Variants in SLC27A6 observed in about 807,000 individuals in gnomAD.
SLC27A6 encodes the protein solute carrier family 27 member 6.
A neutral mutation model predicts 63.9 loss-of-function variants in SLC27A6; 74 were observed. That is an observed-to-expected ratio of 1.16 (90% CI 0.96 to 1.40). The LOEUF (loss-of-function observed/expected upper bound fraction) is 1.40. SLC27A6 is among the 40% of genes most tolerant of loss of function. The pLI is 0.00. For missense variants in SLC27A6, 794 were observed against 732.9 expected, an observed-to-expected ratio of 1.08 and a Z score of -0.96; for synonymous variants, 287 against 260.8, an observed-to-expected ratio of 1.10 and a Z score of -0.97.
At chr5:128,972,685 T>G (rs1750221290) in intron 1 of SLC27A6, among the ~76,000 whole-genome samples, 1 of 152,200 alleles carries the variant, frequency 6.6e-6, no homozygotes, top group Non-Finnish European at 1.5e-5. Context: ...TTTTCAAGGT[T>G]TTTAGCTTCT....
chr5:129,027,376 C>T (rs769576556), intron 7 of SLC27A6, 45 bp downstream of exon 7: 1 of 1,440,640 alleles, frequency 6.9e-7, no homozygotes, highest in Non-Finnish European at 9.7e-7. Flanking sequence ...TAATTGTGAA[C>T]CATGCTTCTA....
intron 5 of SLC27A6, 102 bp from the exon 6 acceptor site, chr5:129,023,518 A>G (rs1752139329): frequency 7.7e-6 from 5 of 647,796 alleles, no homozygotes; most frequent in Non-Finnish European, 1.0e-5. Context: ...ATTTATTTCA[A>G]TTAGCATAGT....
chr5:128,993,221 A>C (rs867503975), intron 4 of SLC27A6, among the ~76,000 whole-genome samples: 1 of 152,208 alleles, frequency 6.6e-6, no homozygotes, highest in Admixed American at 6.5e-5. Flanking sequence ...GTGGTTTTCC[A>C]GTTGTGCTTC....
Position 128,979,163 on chromosome 5 carries a change from A to G in SLC27A6, c.482-5970A>G. On this transcript the variant is annotated intron_variant, in intron 1 of 9. Coordinates refer to ENST00000262462, the MANE Select transcript of SLC27A6 (RefSeq NM_001017372.3). ...ATGGCAGAGACAGCCACCCATAGTA[A>G]GAAGTCACTTTTGCTCAGGTCTCTT... Among the ~76,000 whole-genome samples the G allele has an allele frequency of 1.3e-5, 2 of 151,882 alleles. 1 individual carries two copies. The highest frequency in any genetic ancestry group is 2.9e-5 in the Non-Finnish European group (2 of 67,968).
Position 128,972,824 on chromosome 5 carries a change from G to A in SLC27A6, c.481+6206G>A, listed in dbSNP as rs189354457. The stretch of plus-strand genomic sequence containing the variant: ...TTTGTTCCATTGCTGGCAAGTAGCT[G>A]TGATCCTTTGAAGGAGAAGAGGCAC... On this transcript the variant is annotated intron_variant, in intron 1 of 9. Transcript: ENST00000262462. Among the ~76,000 whole-genome samples, 27 of 152,292 alleles carry A rather than the reference G, an allele frequency of 1.8e-4. No individual in the cohort carries two copies. In the East Asian group the frequency reaches 4.2e-3, roughly 24 times the overall value.
In SLC27A6 at chr5:129,029,278, A is replaced by G. The variant is rs1261738208; in HGVS notation, c.1553-299A>G. 1.3e-5 allele frequency among the ~76,000 whole-genome samples: 2 copies of G among 151,980 alleles called. 1 individual carries two copies. Among genetic ancestry groups the G allele is most frequent in the South Asian group, 4.1e-4 (2 of 4,830 alleles). On this transcript the variant is annotated intron_variant, in intron 8 of 9. Transcript: ENST00000262462. Reference sequence around the variant, plus strand: ...TTAAATAAATGTTTTCTTTCTTAATATTTGTTTTAGTGATGGTAGGATGCA... The same window carrying G: ...TTAAATAAATGTTTTCTTTCTTAATGTTTGTTTTAGTGATGGTAGGATGCA...
intron 4 of SLC27A6, among the ~76,000 whole-genome samples, chr5:128,995,627 T>A (rs543812080): frequency 6.6e-6 from 1 of 152,150 alleles, no homozygotes; most frequent in East Asian, 1.9e-4. Flanking sequence ...ACAAGTGGGA[T>A]CCAGGCACAG....
At chr5:128,985,357 A>T in intron 2 of SLC27A6, 21 bp downstream of exon 2, 1 of 1,604,730 alleles carries the variant, frequency 6.2e-7, no homozygotes, top group South Asian at 1.1e-5. Context: ...ATTCTTTTGA[A>T]GGCTAAAATG....
At chr5:128,988,539 A>G (rs1272688717) in intron 2 of SLC27A6, 61 bp from the exon 3 acceptor site, 1 of 1,297,056 alleles carries the variant, frequency 7.7e-7, no homozygotes, top group Non-Finnish European at 1.1e-6. Flanking sequence ...ATGAATATGT[A>G]TGCATATGTA....
intron 4 of SLC27A6, among the ~76,000 whole-genome samples, chr5:128,997,078 T>C (rs1053813993): frequency 1.3e-5 from 2 of 152,306 alleles, no homozygotes; most frequent in East Asian, 3.9e-4. Context: ...CCTTTTCATG[T>C]CCTTTAAAAG....
chr5:128,982,826 T>C (rs1750639794), intron 1 of SLC27A6, among the ~76,000 whole-genome samples: 1 of 152,202 alleles, frequency 6.6e-6, no homozygotes, highest in African/African-American at 2.4e-5. Flanking sequence ...GATTCTTATA[T>C]TTTACTTAGA....
intron 1 of SLC27A6, among the ~76,000 whole-genome samples, chr5:128,980,018 C>A (rs538401346): frequency 1.0e-3 from 152 of 152,352 alleles, no homozygotes; most frequent in Non-Finnish European, 1.9e-3. Flanking sequence ...CATGGTCTGA[C>A]TTGGAAACAA....
At chr5:129,017,476 G>A (rs761593868) in intron 5 of SLC27A6, among the ~76,000 whole-genome samples, 6 of 151,872 alleles carry the variant, frequency 4.0e-5, no homozygotes, top group Non-Finnish European at 8.8e-5. Context: ...ATCTCTATAA[G>A]TTAATTTTTA....
At chr5:129,006,811 A>G (rs1751555516) in intron 4 of SLC27A6, among the ~76,000 whole-genome samples, 1 of 152,190 alleles carries the variant, frequency 6.6e-6, no homozygotes, top group South Asian at 2.1e-4. Flanking sequence ...ATTGTTTTAA[A>G]GTATTTTGTG....
Position 128,984,139 on chromosome 5 carries a change from G to A in SLC27A6, c.482-994G>A, listed in dbSNP as rs534740380. Among the ~76,000 whole-genome samples the A allele has an allele frequency of 2.8e-3, 431 of 152,246 alleles. 1 individual carries two copies. The highest frequency in any genetic ancestry group is 5.1e-3 in the Non-Finnish European group (348 of 68,020). ...TGTCAGAGATCCATGCTAAAGTAAG[G>A]GAGTGGTGAATTTAAAAAGAATTTA... On this transcript the variant is annotated intron_variant, in intron 1 of 9. Transcript: ENST00000262462.
intron 1 of SLC27A6, among the ~76,000 whole-genome samples, chr5:128,971,938 G>A (rs191069154): frequency 3.3e-4 from 50 of 152,268 alleles, no homozygotes; most frequent in African/African-American, 1.1e-3. Flanking sequence ...TCCTTTAGGA[G>A]CGCTTGTAAG....
chr5:129,019,944 G>A (rs972842836), intron 5 of SLC27A6, among the ~76,000 whole-genome samples: 8 of 151,902 alleles, frequency 5.3e-5, no homozygotes, highest in African/African-American at 1.9e-4. Context: ...TTTCCTTAAG[G>A]TAAAAACTTG....
At chr5:128,974,804 G>A (rs939408359) in intron 1 of SLC27A6, among the ~76,000 whole-genome samples, 2 of 152,146 alleles carry the variant, frequency 1.3e-5, no homozygotes, top group African/African-American at 2.4e-5. Flanking sequence ...GTTGTAAAAT[G>A]GTGATGATAC....
rs748627713 is a variant in SLC27A6, at chr5:129,027,335, T to A, written c.1454+4T>A. ...ACCGTACTGGAGACACTTTCAGGTA[T>A]GAAATGTTATGGGATCCATAGCTTG... On this transcript the variant is annotated splice_donor_region_variant and intron_variant, in intron 7 of 9. Transcript: ENST00000262462. The A allele has an allele frequency of 1.3e-6, 2 of 1,598,722 alleles. No homozygotes were observed. Among genetic ancestry groups the A allele is most frequent in the Admixed American group, 1.7e-5 (1 of 59,854 alleles).
Sources: gnomAD v4.1 joint callset for allele counts (sites outside exome capture counted in the v4.1 genomes callset) on GRCh38, gnomAD v4.1.1 for gene constraint, MANE v1.5 for transcripts, NCBI Gene and HGNC (gene_info 2026-07-23, HGNC 2026-07-21) for gene names.